The following NNMT variants were observed in gnomAD, a reference collection of about 807,000 sequenced individuals.
NNMT encodes nicotinamide N-methyltransferase.
Under a neutral mutation model 11.7 loss-of-function variants are expected in NNMT, and 10 were observed. That is an observed-to-expected ratio of 0.85 (90% CI 0.53 to 1.45). NNMT has a LOEUF of 1.45. Among genes scored for constraint, NNMT ranks in the 40% most tolerant of loss-of-function variants. NNMT has a pLI of 0.00. For missense variants in NNMT, 381 were observed against 319.4 expected, an observed-to-expected ratio of 1.19 and a Z score of -1.47; for synonymous variants, 143 against 133.8, an observed-to-expected ratio of 1.07 and a Z score of -0.48.
chr11:114,258,510 G>A (rs764285666), intron 1 of NNMT, among the ~76,000 whole-genome samples: 5 of 152,218 alleles, frequency 3.3e-5, no homozygotes, highest in African/African-American at 1.2e-4. Context: ...AGCCCCTCAC[G>A]CCCCTGGCAC....
At chr11:114,269,273 T>G (rs1945150327) in intron 2 of NNMT, among the ~76,000 whole-genome samples, 1 of 152,184 alleles carries the variant, frequency 6.6e-6, no homozygotes, top group Admixed American at 6.5e-5. Flanking sequence ...ATTTAACTTC[T>G]GTTCTCCTTG....
intron 2 of NNMT, among the ~76,000 whole-genome samples, chr11:114,287,343 C>T (rs890472402): frequency 9.2e-5 from 14 of 152,146 alleles, no homozygotes; most frequent in Admixed American, 9.2e-4. Context: ...AGATATTCTT[C>T]TACATTACCT....
upstream of NNMT, among the ~76,000 whole-genome samples, chr11:114,295,273 A>G (rs1945364115): frequency 6.6e-6 from 1 of 152,186 alleles, no homozygotes; most frequent in Non-Finnish European, 1.5e-5. Flanking sequence ...AGGATGACTA[A>G]TGGACATGTT....
rs182379367 is a variant in NNMT, at chr11:114,288,144, C to A, written c.-129-8284C>A. ...TTGTAGATTATTTTTCATTCTCTCT[C>A]TATATCATCATGTTATCTGCTAATA... On this transcript the variant is annotated intron_variant, in intron 2 of 4. Transcript: ENST00000535401. Among the ~76,000 whole-genome samples, 22 of 152,278 alleles carry A rather than the reference C, an allele frequency of 1.4e-4. No individual in the cohort carries two copies. The East Asian group carries it at 4.0e-3, about 28-fold the overall frequency.
At chr11:114,267,891 C>G (rs1565718668) in intron 2 of NNMT, among the ~76,000 whole-genome samples, 1 of 152,118 alleles carries the variant, frequency 6.6e-6, no homozygotes, top group Non-Finnish European at 1.5e-5. Context: ...TCAGATTTTC[C>G]TGATTGCTTC....
rs138843303 is a variant in NNMT, at chr11:114,276,290, C to T, written c.-130+13356C>T. On this transcript the variant is annotated intron_variant, in intron 2 of 4. Transcript: ENST00000535401. ...TGCAGGAGCCCCTGCAGGAGACAGG[C>T]TTGGATTTGGAGAAGTTGGAGAAGG... Among the ~76,000 whole-genome samples, 1,084 of 152,134 alleles carry T rather than the reference C, an allele frequency of 7.1e-3. 3 individuals carry two copies. Among genetic ancestry groups the T allele is most frequent in the Non-Finnish European group, 0.012 (837 of 67,994 alleles).
At chr11:114,272,605 G>A (rs1380294203) in intron 2 of NNMT, among the ~76,000 whole-genome samples, 1 of 152,204 alleles carries the variant, frequency 6.6e-6, no homozygotes, top group East Asian at 1.9e-4. Context: ...TCTAAGAGTT[G>A]TATCTTTGAT....
At chr11:114,279,603 T>C (rs527986562) in intron 2 of NNMT, among the ~76,000 whole-genome samples, 4 of 152,290 alleles carry the variant, frequency 2.6e-5, no homozygotes, top group South Asian at 2.1e-4. Flanking sequence ...GGGTGAATGA[T>C]GTGATGTTTC....
chr11:114,297,302 G>C (rs1469982646), intron 1 of NNMT: 1 of 151,652 alleles, frequency 6.6e-6, no homozygotes, highest in Admixed American at 6.6e-5. Flanking sequence ...CCTGGATTGG[G>C]GAATAAAAAA....
At chr11:114,273,199 A>G (rs1467556712) in intron 2 of NNMT, among the ~76,000 whole-genome samples, 2 of 152,216 alleles carry the variant, frequency 1.3e-5, no homozygotes, top group Admixed American at 6.5e-5. Context: ...GTGCTCTGCC[A>G]TCTGAAGACA....
intron 1 of NNMT, among the ~76,000 whole-genome samples, chr11:114,259,570 C>T (rs1333626381): frequency 6.6e-6 from 1 of 152,174 alleles, no homozygotes; most frequent in African/African-American, 2.4e-5. Context: ...GGGGCAGGTC[C>T]ATCCCCCAGC....
In NNMT at chr11:114,312,207, C is replaced by T. The variant is rs1213606468; in HGVS notation, c.525C>T (p.Thr175=). ...ATGCCGCCTGCCCAGACCTCCCCAC[C>T]TACTGCAGGGCGCTCAGGAACCTCG... ...CLDAACPDLP[T]YCRALRNLGS... The change falls in exon 3 of 3, where the codon ACC becomes ACT. Residue 175 remains threonine (T), a synonymous_variant. Coordinates refer to ENST00000299964, the MANE Select transcript of NNMT (RefSeq NM_006169.3). The T allele has an allele frequency of 6.2e-6, 10 of 1,614,240 alleles. No homozygotes were observed. The highest frequency in any genetic ancestry group is 4.5e-5 in the East Asian group (2 of 44,878).
chr11:114,296,848 C>T (rs943428832), intron 1 of NNMT, 138 bp downstream of exon 1: 19 of 812,090 alleles, frequency 2.3e-5, no homozygotes, highest in East Asian at 4.9e-5. Flanking sequence ...AGGATAAAAA[C>T]GAATATTGGT....
chr11:114,274,073 C>T (rs1945194279), intron 2 of NNMT, among the ~76,000 whole-genome samples: 1 of 152,202 alleles, frequency 6.6e-6, no homozygotes, highest in Non-Finnish European at 1.5e-5. Flanking sequence ...TACCCCTGCT[C>T]AGTGCTGGGG....
At chr11:114,291,791 T>C (rs1220105795), upstream of NNMT, among the ~76,000 whole-genome samples, 2 of 152,208 alleles carry the variant, frequency 1.3e-5, no homozygotes, top group Non-Finnish European at 2.9e-5. Flanking sequence ...CCACCTCTGT[T>C]ACACTCCAGA....
chr11:114,273,745 C>T (rs1945190495), intron 2 of NNMT, among the ~76,000 whole-genome samples: 1 of 152,116 alleles, frequency 6.6e-6, no homozygotes, highest in Non-Finnish European at 1.5e-5. Context: ...GAGGCTGAAG[C>T]AGGAGAATCA....
intron 2 of NNMT, among the ~76,000 whole-genome samples, chr11:114,284,593 A>C (rs1481472753): frequency 1.3e-5 from 2 of 151,866 alleles, no homozygotes; most frequent in African/African-American, 4.8e-5. Context: ...CCTCCCAAGT[A>C]GCTGGGACTA....
intron 1 of NNMT, among the ~76,000 whole-genome samples, chr11:114,260,723 A>G (rs535112674): frequency 3.9e-5 from 6 of 152,326 alleles, no homozygotes; most frequent in African/African-American, 1.4e-4. Context: ...GGGCCCCATC[A>G]GGGTGCAGCA....
At chr11:114,263,871 A>G (rs1437578370) in intron 2 of NNMT, among the ~76,000 whole-genome samples, 1 of 152,198 alleles carries the variant, frequency 6.6e-6, no homozygotes, top group African/African-American at 2.4e-5. Context: ...ACAGCATAAC[A>G]TTAGATCATC....
Sources: allele counts gnomAD v4.1 joint callset (sites outside exome capture counted in the v4.1 genomes callset), GRCh38; gene constraint gnomAD v4.1.1; transcripts MANE v1.5; gene names NCBI Gene and HGNC (gene_info 2026-07-23, HGNC 2026-07-21).